The following PRR5 variants were observed in gnomAD, a reference collection of about 807,000 sequenced individuals.
PRR5 encodes the protein proline-rich protein 5.
In PRR5, 25 loss-of-function variants were observed where a neutral mutation model predicts 30.6. The ratio of observed to expected loss-of-function variants is 0.82; its 90% CI spans 0.60 to 1.14. PRR5 has a LOEUF of 1.14. PRR5 is among the 50% of genes most tolerant of loss of function. The pLI, the probability that PRR5 is intolerant of heterozygous loss-of-function variation, is 0.00. For missense variants in PRR5, 600 were observed against 547.1 expected (o/e 1.10, Z -0.96); for synonymous variants, 286 against 247.1 (o/e 1.16, Z -1.48).
At chr22:44,709,013 A>G (rs991019602) in intron 1 of PRR5, among the ~76,000 whole-genome samples, 10 of 147,028 alleles carry the variant, frequency 6.8e-5, no homozygotes, top group African/African-American at 2.5e-4. Flanking sequence ...AGGACTGCCC[A>G]GGTTCATGCA....
intron 1 of PRR5, among the ~76,000 whole-genome samples, chr22:44,713,293 G>A (rs1928539699): frequency 6.6e-6 from 1 of 152,174 alleles, no homozygotes; most frequent in Non-Finnish European, 1.5e-5. Flanking sequence ...TACGGGGAGA[G>A]CTCTAGGAGG....
chr22:44,719,978 C>G (rs1929683789), intron 2 of PRR5, among the ~76,000 whole-genome samples: 1 of 152,250 alleles, frequency 6.6e-6, no homozygotes, highest in Non-Finnish European at 1.5e-5. Flanking sequence ...AGGCTGTCCC[C>G]TCTGTGGCCT....
At chr22:44,715,450 C>T (rs1371822021) in intron 2 of PRR5, among the ~76,000 whole-genome samples, 2 of 152,178 alleles carry the variant, frequency 1.3e-5, no homozygotes, top group South Asian at 2.1e-4. Flanking sequence ...GCAGGCGCCC[C>T]CCTCCACCCT....
intron 1 of PRR5, among the ~76,000 whole-genome samples, chr22:44,712,274 C>T (rs1054945234): frequency 1.3e-5 from 2 of 152,210 alleles, no homozygotes; most frequent in Non-Finnish European, 2.9e-5. Flanking sequence ...GGCGTGATCT[C>T]GGCCAGTGCC....
chr22:44,672,919 C>T (rs1237562517), upstream of PRR5, among the ~76,000 whole-genome samples: 3 of 152,214 alleles, frequency 2.0e-5, no homozygotes, highest in Non-Finnish European at 1.5e-5. Context: ...TCTGCATGCT[C>T]CACCCCACTA....
intron 7 of PRR5, 31 bp from the exon 8 acceptor site, chr22:44,736,741 C>G (rs1260107321): frequency 1.3e-6 from 2 of 1,522,976 alleles, no homozygotes; most frequent in Admixed American, 2.1e-5. Context: ...CAGGTGGCCT[C>G]TGGTGTGACA....
chr22:44,723,346 C>T (rs1413532170), intron 2 of PRR5, among the ~76,000 whole-genome samples: 1 of 152,000 alleles, frequency 6.6e-6, no homozygotes, highest in Non-Finnish European at 1.5e-5. Flanking sequence ...ACATAACCAA[C>T]GTATTTTACT....
upstream of PRR5, among the ~76,000 whole-genome samples, chr22:44,673,706 C>T (rs140347653): frequency 1.5e-3 from 226 of 152,066 alleles, no homozygotes; most frequent in African/African-American, 5.2e-3. Context: ...GGGTAGGTGG[C>T]GGTGATGGTC....
At chr22:44,695,400 G>A (rs1925654047) in intron 1 of PRR5, among the ~76,000 whole-genome samples, 2 of 152,188 alleles carry the variant, frequency 1.3e-5, no homozygotes, top group South Asian at 2.1e-4. Flanking sequence ...GCACCAGCCC[G>A]AGGTTGGACA....
chr22:44,709,580 G>A (rs1409487521), intron 1 of PRR5, among the ~76,000 whole-genome samples: 2 of 152,154 alleles, frequency 1.3e-5, no homozygotes, highest in Non-Finnish European at 2.9e-5. Flanking sequence ...CAGGCCAGGC[G>A]CAGTGGCTCA....
upstream of PRR5, among the ~76,000 whole-genome samples, chr22:44,701,227 A>AC (rs1029727959): frequency 6.6e-6 from 1 of 151,832 alleles, no homozygotes; most frequent in African/African-American, 2.4e-5. Context: ...TGTGGCTGTC[A>AC]CCCCCCATCT....
chr22:44,679,945 A>ATCTT lies in PRR5; in HGVS notation c.-11+2705_-11+2706insTCTT. On this transcript the variant is annotated intron_variant, in intron 1 of 8. Transcript: ENST00000006251. ...CAGGTGTATGGGTGAGGGTGAGTGCAGTGTGGCTGGAGGCTTAGGGAAAGG... is the reference window on the plus strand; with the variant it reads ...CAGGTGTATGGGTGAGGGTGAGTGCATCTTGTGTGGCTGGAGGCTTAGGGAAAGG... 3.4e-6 allele frequency: 5 copies of ATCTT among 1,482,168 alleles called. No homozygotes were observed. The South Asian group carries it at 6.1e-5, about 18-fold the overall frequency. The allele number at this position is 1,482,168 out of a possible 1,614,324, so 91.8% of individuals were successfully genotyped here.
At chr22:44,732,926 A>G (rs1224618013) in intron 6 of PRR5, among the ~76,000 whole-genome samples, 2 of 143,692 alleles carry the variant, frequency 1.4e-5, no homozygotes, top group Non-Finnish European at 3.1e-5. Flanking sequence ...ACACGTGCGC[A>G]CGCACATACT....
rs1214217790 is a variant in PRR5, at chr22:44,737,413, C to A, written c.*166C>A. On this transcript the variant is annotated 3_prime_UTR_variant, in exon 8 of 8. Transcript: ENST00000336985. Reference sequence around the variant, plus strand: ...GTATTTCTGTCTTGGTTGGAAATACCATCAGCCTTCCTTGCTCGGCCCAGG... The same window carrying A: ...GTATTTCTGTCTTGGTTGGAAATACAATCAGCCTTCCTTGCTCGGCCCAGG... The A allele has an allele frequency of 8.3e-6, 11 of 1,331,528 alleles. No individual in the cohort carries two copies. The highest frequency in any genetic ancestry group is 1.1e-5 in the Non-Finnish European group (11 of 1,009,706). 82.5% of individuals were successfully genotyped at this position (1,331,528 alleles called of 1,614,324 possible). A position where few individuals can be genotyped will look rare whatever the true frequency, so the allele number is the denominator to read the frequency against.
chr22:44,696,273 C>T (rs1690472532), intron 1 of PRR5, among the ~76,000 whole-genome samples: 1 of 152,144 alleles, frequency 6.6e-6, no homozygotes, highest in African/African-American at 2.4e-5. Flanking sequence ...AGGGCAGACC[C>T]AGTTTGGGAG....
At chr22:44,696,040 C>T (rs1469586630) in intron 1 of PRR5, among the ~76,000 whole-genome samples, 1 of 148,946 alleles carries the variant, frequency 6.7e-6, no homozygotes, top group Admixed American at 6.9e-5. Context: ...TTTCCTGCCT[C>T]AGCCTCCTGA....
At chr22:44,680,963 A>G (rs1382550898) in intron 1 of PRR5, among the ~76,000 whole-genome samples, 1 of 152,176 alleles carries the variant, frequency 6.6e-6, no homozygotes, top group African/African-American at 2.4e-5. Context: ...TCATGCATCC[A>G]TCATGCAGCT....
upstream of PRR5, among the ~76,000 whole-genome samples, chr22:44,676,489 C>T (rs1195775271): frequency 6.6e-6 from 1 of 151,804 alleles, no homozygotes; most frequent in Non-Finnish European, 1.5e-5. Flanking sequence ...GATGGCCCTC[C>T]CCACAGTCAC....
intron 1 of PRR5, among the ~76,000 whole-genome samples, chr22:44,683,183 G>C (rs948601166): frequency 6.6e-6 from 1 of 152,224 alleles, no homozygotes; most frequent in Non-Finnish European, 1.5e-5. Flanking sequence ...TGCTCAGGCT[G>C]CCTGCAAGAA....
Sources: gnomAD v4.1 joint callset for allele counts (sites outside exome capture counted in the v4.1 genomes callset) on GRCh38, gnomAD v4.1.1 for gene constraint, MANE v1.5 for transcripts, NCBI Gene and HGNC (gene_info 2026-07-23, HGNC 2026-07-21) for gene names.